ADAMTSL1: variants seen among roughly 807,000 people sequenced by gnomAD.
The protein encoded by ADAMTSL1 is ADAMTS-like protein 1.
In ADAMTSL1, 126 loss-of-function variants were observed where a neutral mutation model predicts 201.8. The ratio of observed to expected loss-of-function variants is 0.62; its 90% CI spans 0.54 to 0.72. The LOEUF is 0.72. ADAMTSL1 is among the 30% of genes least tolerant of loss of function. The pLI, the probability that ADAMTSL1 is intolerant of heterozygous loss-of-function variation, is 0.00. For missense variants in ADAMTSL1, 2,679 were observed against 2,277.8 expected, an observed-to-expected ratio of 1.18 and a Z score of -3.59; for synonymous variants, 1,121 against 903.4, an observed-to-expected ratio of 1.24 and a Z score of -4.32.
chr9:18,126,875 C>A (rs187851576), intron 1 of ADAMTSL1, among the ~76,000 whole-genome samples: 4 of 152,142 alleles, frequency 2.6e-5, no homozygotes, highest in Admixed American at 2.6e-4. Context: ...CAAATAGTTG[C>A]AGTATGAGAA....
intron 2 of ADAMTSL1, among the ~76,000 whole-genome samples, chr9:18,428,434 CAA>C (rs368935296): frequency 8.4e-6 from 1 of 119,618 alleles, no homozygotes; most frequent in African/African-American, 3.2e-5. Flanking sequence ...CCTATGTCTA[CAA>C]AAAAAAAAAA....
At chr9:18,317,986 A>C (rs927608584) in intron 2 of ADAMTSL1, among the ~76,000 whole-genome samples, 1 of 152,204 alleles carries the variant, frequency 6.6e-6, no homozygotes, top group African/African-American at 2.4e-5. Context: ...TCTGCCCCTT[A>C]GCAGCCCAGA....
intron 2 of ADAMTSL1, among the ~76,000 whole-genome samples, chr9:18,376,642 T>TA (rs5896784): frequency 0.43 from 64,606 of 151,680 alleles, 14,780 homozygotes; most frequent in South Asian, 0.67. Context: ...CCATCTCTAC[T>TA]AAAAAATACA....
chr9:18,296,832 G>T (rs919640237), intron 2 of ADAMTSL1, among the ~76,000 whole-genome samples: 1 of 152,140 alleles, frequency 6.6e-6, no homozygotes, highest in African/African-American at 2.4e-5. Context: ...TACGCTGGAG[G>T]TCAATGTAAT....
In ADAMTSL1 at chr9:18,826,591, C is replaced by T; in HGVS notation, c.4114+128C>T. The T allele has an allele frequency of 4.3e-6, 5 of 1,154,712 alleles. No individual in the cohort carries two copies. In the South Asian group the frequency reaches 6.2e-5, roughly 14 times the overall value. 71.5% of individuals were successfully genotyped at this position (1,154,712 alleles called of 1,614,324 possible). A position where few individuals can be genotyped will look rare whatever the true frequency, so the allele number is the denominator to read the frequency against. ...AGGTAAAATTGATATCCCTTCACTTCTTCCCAATTTAGGGCCTTTCGATAG... is the reference window on the plus strand; with the variant it reads ...AGGTAAAATTGATATCCCTTCACTTTTTCCCAATTTAGGGCCTTTCGATAG... On this transcript the variant is annotated intron_variant, in intron 22 of 28. Coordinates refer to ENST00000380548, the MANE Select transcript of ADAMTSL1 (RefSeq NM_001040272.6).
At chr9:18,669,753 C>T (rs1260121703) in intron 9 of ADAMTSL1, among the ~76,000 whole-genome samples, 1 of 152,044 alleles carries the variant, frequency 6.6e-6, no homozygotes, top group African/African-American at 2.4e-5. Flanking sequence ...TAGGAAGGGG[C>T]AGGTAAGATA....
chr9:18,011,452 C>G (rs1820046293), intron 1 of ADAMTSL1, among the ~76,000 whole-genome samples: 1 of 151,928 alleles, frequency 6.6e-6, no homozygotes, highest in African/African-American at 2.4e-5. Flanking sequence ...CACACTCATG[C>G]CTAGGAGAGG....
intron 14 of ADAMTSL1, 143 bp from the exon 15 acceptor site, chr9:18,721,392 TG>T: frequency 8.6e-7 from 1 of 1,166,214 alleles, no homozygotes; most frequent in Non-Finnish European, 1.2e-6. Context: ...TTGGCAGTCC[TG>T]GGCTTTAAAC....
intron 1 of ADAMTSL1, among the ~76,000 whole-genome samples, chr9:18,155,685 G>A (rs1304048594): frequency 6.6e-6 from 1 of 152,028 alleles, no homozygotes; most frequent in Non-Finnish European, 1.5e-5. Context: ...AGCATTAACT[G>A]AGATGTCAGT....
intron 2 of ADAMTSL1, among the ~76,000 whole-genome samples, chr9:18,199,024 C>T (rs1408144997): frequency 6.8e-6 from 1 of 146,178 alleles, no homozygotes; most frequent in Non-Finnish European, 1.5e-5. Context: ...AAACCAAACA[C>T]CGCATATTCT....
chr9:18,799,965 C>T (rs192499258), intron 20 of ADAMTSL1, among the ~76,000 whole-genome samples: 1 of 152,260 alleles, frequency 6.6e-6, no homozygotes, highest in East Asian at 1.9e-4. Flanking sequence ...CTGAATTTTT[C>T]ACCCAGCAGT....
chr9:18,041,347 T>G (rs983307074), intron 1 of ADAMTSL1, among the ~76,000 whole-genome samples: 3 of 152,228 alleles, frequency 2.0e-5, no homozygotes, highest in Non-Finnish European at 4.4e-5. Context: ...AAATATTTAA[T>G]GGTGCTAGTT....
chr9:18,668,902 CAGAG>C (rs1418716716), intron 9 of ADAMTSL1, among the ~76,000 whole-genome samples: 5 of 152,276 alleles, frequency 3.3e-5, no homozygotes, highest in Non-Finnish European at 7.4e-5. Context: ...AACTGAAGCT[CAGAG>C]AGGTTAAGTG....
intron 1 of ADAMTSL1, among the ~76,000 whole-genome samples, chr9:17,992,304 G>A (rs1037496921): frequency 6.6e-6 from 1 of 152,128 alleles, no homozygotes; most frequent in Non-Finnish European, 1.5e-5. Flanking sequence ...TGCATTACCT[G>A]CAATTCTCAT....
intron 3 of ADAMTSL1, among the ~76,000 whole-genome samples, chr9:18,568,175 T>C (rs748826629): frequency 3.9e-5 from 6 of 152,080 alleles, no homozygotes; most frequent in Admixed American, 3.9e-4. Flanking sequence ...GAGGTCTGAG[T>C]TGCAAATAGA....
chr9:18,517,672 G>A (rs900646965), intron 2 of ADAMTSL1, among the ~76,000 whole-genome samples: 3 of 150,306 alleles, frequency 2.0e-5, no homozygotes, highest in African/African-American at 7.3e-5. Context: ...TGCAGTGTTT[G>A]GTTTTTTGTT....
chr9:18,297,967 A>G (rs1278456226), intron 2 of ADAMTSL1, among the ~76,000 whole-genome samples: 1 of 152,160 alleles, frequency 6.6e-6, no homozygotes, highest in Non-Finnish European at 1.5e-5. Flanking sequence ...CCCACGTCCT[A>G]TTTCACCTGT....
At chr9:18,775,559 A>G (rs978846918) in intron 17 of ADAMTSL1, among the ~76,000 whole-genome samples, 184 bp from the exon 18 acceptor site, 21 of 152,240 alleles carry the variant, frequency 1.4e-4, no homozygotes, top group African/African-American at 4.8e-4. Flanking sequence ...AAAATCTTAG[A>G]GTGCAAAATG....
chr9:18,869,889 CTTCT>C (rs1337751563), intron 23 of ADAMTSL1, among the ~76,000 whole-genome samples: 1 of 151,558 alleles, frequency 6.6e-6, no homozygotes, highest in African/African-American at 2.4e-5. Flanking sequence ...TAGTTATTTT[CTTCT>C]TTCTTTCATG....
Sources: gnomAD v4.1 joint callset for allele counts (sites outside exome capture counted in the v4.1 genomes callset) on GRCh38, gnomAD v4.1.1 for gene constraint, MANE v1.5 for transcripts, NCBI Gene and HGNC (gene_info 2026-07-23, HGNC 2026-07-21) for gene names.